METTL8: variants seen among roughly 807,000 people sequenced by gnomAD.
The protein encoded by METTL8 is methyltransferase 8, tRNA N3-cytidine.
In METTL8, 32 loss-of-function variants were observed where a neutral mutation model predicts 48.7. The observed-to-expected ratio is 0.66, with a 90% CI of 0.50 to 0.88. METTL8 has a LOEUF of 0.88. Ranked by LOEUF, METTL8 falls within the 40% of genes least tolerant of loss-of-function variation. METTL8 has a pLI of 0.00. For missense variants in METTL8, 464 were observed against 474.4 expected (o/e 0.98, Z 0.20); for synonymous variants, 136 against 157.1 (o/e 0.87, Z 1.01).
At chr2:171,330,734 C>A in intron 6 of METTL8, 36 bp from the exon 7 acceptor site, 1 of 1,523,304 alleles carries the variant, frequency 6.6e-7, no homozygotes, top group South Asian at 1.3e-5. Context: ...AAAAAGAGGA[C>A]TTAGTAGACT....
intron 1 of METTL8, among the ~76,000 whole-genome samples, chr2:171,409,220 C>T (rs766587141): frequency 6.6e-6 from 1 of 152,140 alleles, no homozygotes; most frequent in Non-Finnish European, 1.5e-5. Context: ...ACTTTGCTTA[C>T]GCCTATCAGT....
chr2:171,391,417 C>G (rs543561247), intron 2 of METTL8, among the ~76,000 whole-genome samples: 14 of 152,276 alleles, frequency 9.2e-5, no homozygotes, highest in African/African-American at 3.1e-4. Context: ...TAATCGTAAT[C>G]TCAGTTTCCC....
chr2:171,326,356 A>C (rs1684956596), intron 7 of METTL8: 1 of 497,360 alleles, frequency 2.0e-6, no homozygotes, highest in African/African-American at 2.0e-5. Flanking sequence ...CAAAAGTCCT[A>C]GAGTATCAAG....
intron 1 of METTL8, among the ~76,000 whole-genome samples, chr2:171,399,953 A>G (rs139955168): frequency 6.8e-4 from 103 of 152,272 alleles, no homozygotes; most frequent in Admixed American, 2.2e-3. Flanking sequence ...AGCCTGGGCA[A>G]CATAGAGAGA....
intron 1 of METTL8, among the ~76,000 whole-genome samples, chr2:171,414,017 G>A (rs1022630898): frequency 6.6e-6 from 1 of 152,060 alleles, no homozygotes; most frequent in Non-Finnish European, 1.5e-5. Flanking sequence ...ATTTGTCATA[G>A]CATTATTTGT....
intron 3 of METTL8, among the ~76,000 whole-genome samples, chr2:171,351,282 G>C (rs1472844955): frequency 6.6e-6 from 1 of 152,042 alleles, no homozygotes; most frequent in East Asian, 1.9e-4. Context: ...TAGATGTGTG[G>C]TATTATTTCT....
chr2:171,380,793 C>T (rs1265650381), intron 2 of METTL8, among the ~76,000 whole-genome samples: 2 of 152,048 alleles, frequency 1.3e-5, no homozygotes, highest in Admixed American at 1.3e-4. Flanking sequence ...CAGATAGGAA[C>T]ACTCAATATC....
rs926976765 is a variant in METTL8 at position 171,375,304 on chromosome 2, T to A, written c.144-14791A>T. 44 of 781,686 alleles carry A rather than the reference T, an allele frequency of 5.6e-5. 1 individual carries two copies. The highest frequency in any genetic ancestry group is 2.0e-5 in the Non-Finnish European group (9 of 444,804). The allele number at this position is 781,686 out of a possible 1,614,324, so 48.4% of individuals were successfully genotyped here. On this transcript the variant is annotated intron_variant, in intron 2 of 9. Coordinates refer to ENST00000375258, the MANE Select transcript of METTL8 (RefSeq NM_001321154.2). ...CTTGGAGGCACGGACCAGAGATATA[T>A]GTTTATCTTTTAAAGAAACTGCCAA...
chr2:171,357,394 A>C (rs1020862595), intron 3 of METTL8, among the ~76,000 whole-genome samples: 3 of 152,230 alleles, frequency 2.0e-5, no homozygotes, highest in Non-Finnish European at 2.9e-5. Flanking sequence ...AACAGTGAAC[A>C]ATCTGAAAAA....
At chr2:171,403,530 A>T (rs1290308596) in intron 1 of METTL8, among the ~76,000 whole-genome samples, 1 of 152,126 alleles carries the variant, frequency 6.6e-6, no homozygotes, top group Non-Finnish European at 1.5e-5. Flanking sequence ...GGAATCCTGG[A>T]ACTCAAAAAA....
Position 171,414,219 on chromosome 2 carries a change from AC to A in METTL8, c.-13+19663del, listed in dbSNP as rs767186876. On this transcript the variant is annotated intron_variant, in intron 1 of 9. Coordinates refer to ENST00000375258, the MANE Select transcript of METTL8 (RefSeq NM_001321154.2). ...GATCACCTGAGGCTGGGAGTTTGAG[AC>A]CAGCCTGACCAACGTGGAGAAACCC... Among the ~76,000 whole-genome samples, 6 of 152,238 alleles carry A rather than the reference AC, an allele frequency of 3.9e-5. No homozygotes were observed. In the East Asian group the frequency reaches 7.7e-4, roughly 20 times the overall value.
At chr2:171,391,302 T>C (rs539467202) in intron 2 of METTL8, among the ~76,000 whole-genome samples, 1 of 152,372 alleles carries the variant, frequency 6.6e-6, no homozygotes, top group South Asian at 2.1e-4. Flanking sequence ...ACATAACTTT[T>C]ATATGCACTG....
chr2:171,384,253 A>G (rs555675756), intron 2 of METTL8, among the ~76,000 whole-genome samples: 1 of 152,352 alleles, frequency 6.6e-6, no homozygotes, highest in Admixed American at 6.5e-5. Flanking sequence ...AACGTCTGTA[A>G]TCCCAGCACA....
Position 171,317,252 on chromosome 2 carries a change from C to T in METTL8, c.*6920G>A, listed in dbSNP as rs767850011. 6.6e-6 allele frequency among the ~76,000 whole-genome samples: 1 copy of T among 152,142 alleles called. No individual in the cohort carries two copies. Among genetic ancestry groups the T allele is most frequent in the Admixed American group, 6.5e-5 (1 of 15,278 alleles). On this transcript the variant is annotated 3_prime_UTR_variant, in exon 10 of 10. Transcript: ENST00000375258. Reference sequence around the variant, plus strand: ...CCAACACTTGATATATAAAGGTTAACTGAGGAAAAAATTAATTTCTGCGTT... The same window carrying T: ...CCAACACTTGATATATAAAGGTTAATTGAGGAAAAAATTAATTTCTGCGTT...
intron 3 of METTL8, among the ~76,000 whole-genome samples, chr2:171,356,952 A>ATGTTTTGTTTTTTTTTTTTTTTT: frequency 1.3e-5 from 1 of 78,466 alleles, no homozygotes; most frequent in Non-Finnish European, 2.4e-5. Flanking sequence ...CAAAGACAAT[A>ATGTTTTGTTTTTTTTTTTTTTTT]TTTTTTTTTT....
intron 3 of METTL8, among the ~76,000 whole-genome samples, chr2:171,355,018 G>A (rs1244255610): frequency 1.3e-5 from 2 of 152,332 alleles, no homozygotes; most frequent in South Asian, 2.1e-4. Flanking sequence ...GCGAGGAACC[G>A]CGTTCCTTTG....
intron 2 of METTL8, among the ~76,000 whole-genome samples, chr2:171,378,293 T>G (rs1687171466): frequency 6.6e-6 from 1 of 152,204 alleles, no homozygotes; most frequent in Admixed American, 6.5e-5. Context: ...AATTCTAGTT[T>G]CTGACAAGAC....
intron 1 of METTL8, among the ~76,000 whole-genome samples, chr2:171,429,122 C>CAA (rs113670837): frequency 2.2e-5 from 3 of 139,484 alleles, no homozygotes; most frequent in African/African-American, 7.8e-5. Flanking sequence ...AAAAATCTTT[C>CAA]AAAAAAAAAA....
chr2:171,431,030 A>C (rs77733179), intron 1 of METTL8, among the ~76,000 whole-genome samples: 11,580 of 152,156 alleles, frequency 0.076, 770 homozygotes, highest in African/African-American at 0.18. Flanking sequence ...GAGAGGCCAA[A>C]CTACTTTGGG....
Sources: gnomAD v4.1 joint callset for allele counts (sites outside exome capture counted in the v4.1 genomes callset) on GRCh38, gnomAD v4.1.1 for gene constraint, MANE v1.5 for transcripts, NCBI Gene and HGNC (gene_info 2026-07-23, HGNC 2026-07-21) for gene names.